Variants in HCFC1 observed in about 807,000 individuals in gnomAD.
The protein encoded by HCFC1 is host cell factor C1.
A neutral mutation model predicts 105.5 loss-of-function variants in HCFC1; 7 were observed. That is an observed-to-expected ratio of 0.07 (90% CI 0.04 to 0.12). The LOEUF (loss-of-function observed/expected upper bound fraction) is 0.12. Ranked by LOEUF, HCFC1 falls within the 10% of genes least tolerant of loss-of-function variation. The probability of loss-of-function intolerance (pLI) is 1.00; values close to 1 mark genes in which losing one functional copy is unlikely to be tolerated. For synonymous variants in HCFC1, 918 were observed against 828.1 expected, an observed-to-expected ratio of 1.11 and a Z score of -1.86; for missense variants, 1,065 against 1,823.6, an observed-to-expected ratio of 0.58 and a Z score of 7.58.
Position 153,954,868 on chromosome X carries a change from G to A in HCFC1, c.3531C>T (p.Thr1177=). The change falls in exon 17 of 26, where the codon ACC becomes ACT. Residue 1177 remains threonine, a synonymous_variant. Transcript: ENST00000310441. ...GGGCCCCGGTGGCCATCACAGTCAT[G>A]GTGGTGCTGGTCGCGCTGGTCTGGC... ...QTRQTSATST[T]MTVMATGAPC... The A allele has an allele frequency of 8.6e-7, 1 of 1,156,231 alleles. No individual in the cohort carries two copies. The highest frequency in any genetic ancestry group is 1.1e-6 in the Non-Finnish European group (1 of 872,571).
chrX:153,963,474 A>AC (rs1462278891), intron 3 of HCFC1, 41 bp from the exon 4 acceptor site: 32 of 1,007,628 alleles, frequency 3.2e-5, no homozygotes, highest in Non-Finnish European at 4.5e-5. Context: ...TCGACTCCTC[A>AC]CGCCAGAGGC....
intron 1 of HCFC1, among the ~76,000 whole-genome samples, chrX:153,968,348 G>A (rs1557118925): frequency 8.9e-6 from 1 of 112,416 alleles, no homozygotes; most frequent in African/African-American, 3.2e-5. Flanking sequence ...TTTGAGGACT[G>A]ATCCCGCAGA....
Position 153,955,014 on chromosome X carries a change from C to T in HCFC1, c.3385G>A (p.Ala1129Thr), listed in dbSNP as rs782235304. ...CGACGGGCATCTCGCTGGTGGTTGG[C>T]GCCGACGCTCGACATGGCTGTAGTG... ...TATTAMSSVG[A>T]NHQRDARRAC... The change falls in exon 17 of 26, where the codon GCC becomes ACC. Residue 1129 changes from alanine to threonine, a missense_variant. By Grantham distance (58) the Ala-to-Thr change is moderately conservative. This residue lies in a region of HCFC1 where 546 missense variants were observed against 599.9 expected (regional missense o/e 0.91). Coordinates refer to ENST00000310441, the MANE Select transcript of HCFC1 (RefSeq NM_005334.3). 16 of 1,208,553 alleles carry T rather than the reference C, an allele frequency of 1.3e-5. No individual in the cohort carries two copies. Among genetic ancestry groups the T allele is most frequent in the South Asian group, 5.3e-5 (3 of 56,632 alleles).
intron 1 of HCFC1, among the ~76,000 whole-genome samples, 189 bp downstream of exon 1, chrX:153,970,459 G>C (rs1343983785): frequency 5.3e-5 from 5 of 94,769 alleles, no homozygotes; most frequent in Non-Finnish European, 1.1e-4. Flanking sequence ...AAGGGGGAGG[G>C]GGACGGGGAG....
Position 153,958,238 on chromosome X carries a change from A to G in HCFC1, c.1815T>C (p.Pro605=). The change falls in exon 11 of 26, where the codon CCT becomes CCC. Residue 605 remains proline, a synonymous_variant. Transcript: ENST00000310441. The part of the protein sequence containing the change: ...VASSPVMVSN[P]ATRMLKTAAA... ...CTGCAGTCTTCAGCATGCGAGTGGC[A>G]GGGTTGCTCACCTGGAGGAGGCAGA... 1 of 1,208,289 alleles carries G rather than the reference A, an allele frequency of 8.3e-7. No individual in the cohort carries two copies. The highest frequency in any genetic ancestry group is 1.7e-5 in the African/African-American group (1 of 57,840).
intron 1 of HCFC1, 61 bp from the exon 2 acceptor site, chrX:153,964,787 C>T (rs2065459895): frequency 9.3e-7 from 1 of 1,075,936 alleles, no homozygotes; most frequent in Non-Finnish European, 1.2e-6. Context: ...TCTCATTCCC[C>T]AAATGTGCCA....
chrX:153,963,507 G>T, intron 3 of HCFC1, 74 bp from the exon 4 acceptor site: 1 of 699,737 alleles, frequency 1.4e-6, no homozygotes. Flanking sequence ...CTATCAGTGA[G>T]TGGCAGCCTC....
chrX:153,962,168 G>C, intron 5 of HCFC1, 54 bp downstream of exon 5: 18 of 970,302 alleles, frequency 1.9e-5, no homozygotes, highest in Non-Finnish European at 2.6e-5. Context: ...GAGCCCTTCG[G>C]GGGAGGGGCC....
intron 3 of HCFC1, 75 bp from the exon 4 acceptor site, chrX:153,963,508 T>G (rs1248664082): frequency 1.0e-5 from 7 of 697,902 alleles, no homozygotes; most frequent in Non-Finnish European, 1.3e-5. Context: ...TATCAGTGAG[T>G]GGCAGCCTCC....
intron 1 of HCFC1, 41 bp downstream of exon 1, chrX:153,970,607 G>A (rs1190511583): frequency 2.9e-6 from 3 of 1,026,206 alleles, no homozygotes; most frequent in Non-Finnish European, 4.0e-6. Context: ...AGGAGATGGA[G>A]GGAGGGAAAG....
chrX:153,960,480 C>G, intron 6 of HCFC1, 66 bp from the exon 7 acceptor site: 2 of 841,180 alleles, frequency 2.4e-6, no homozygotes, highest in Non-Finnish European at 3.3e-6. Flanking sequence ...CCTGGTTGCC[C>G]TTGGTTCTTT....
chrX:153,949,722 C>G lies in HCFC1; in HGVS notation c.6005-106G>C, dbSNP rs1020117885. On this transcript the variant is annotated intron_variant, in intron 24 of 25. Coordinates refer to ENST00000310441, the MANE Select transcript of HCFC1 (RefSeq NM_005334.3). Reference sequence around the variant, plus strand: ...AGTCTCTTGGTGCCACATGGCATGACCCGCAGCTGGCAAGGGTGGGGCGCC... The same window carrying G: ...AGTCTCTTGGTGCCACATGGCATGAGCCGCAGCTGGCAAGGGTGGGGCGCC... 1.3e-4 allele frequency: 96 copies of G among 752,521 alleles called. No homozygotes were observed. In the African/African-American group the frequency reaches 1.7e-3, roughly 13 times the overall value. The allele number at this position is 752,521 out of a possible 1,213,427, so 62.0% of individuals were successfully genotyped here.
chrX:153,957,220 AACT>A, intron 13 of HCFC1, 91 bp downstream of exon 13: 1 of 981,622 alleles, frequency 1.0e-6, no homozygotes, highest in Non-Finnish European at 1.4e-6. Flanking sequence ...GAAAAGGGTA[AACT>A]AAACAGAAAC....
Position 153,951,657 on chromosome X carries a change from TGGCCACCACAACCGGCTGGGG to T in HCFC1, c.5290_5310del (p.Pro1764_Ala1770del). The T allele has an allele frequency of 8.3e-7, 1 of 1,211,129 alleles. No homozygotes were observed. Among genetic ancestry groups the T allele is most frequent in the Non-Finnish European group, 1.1e-6 (1 of 895,424 alleles). On this transcript the variant is annotated inframe_deletion, in exon 21 of 26. Transcript: ENST00000310441. ...GCTGCAGCCTGCAGCTTGGCTGGGCTGGCCACCACAACCGGCTGGGGGGCCACAAATGTGTTGGATGGAGCC... is the reference window on the plus strand; with the variant it reads ...GCTGCAGCCTGCAGCTTGGCTGGGCTGGCCACAAATGTGTTGGATGGAGCC...
chrX:153,966,987 A>G (rs1210076371), intron 1 of HCFC1, among the ~76,000 whole-genome samples: 3 of 112,138 alleles, frequency 2.7e-5, no homozygotes, highest in African/African-American at 9.7e-5. Flanking sequence ...ACAGGACCCA[A>G]GAGGTGCTGA....
chrX:153,966,166 C>T (rs1408244757), intron 1 of HCFC1, among the ~76,000 whole-genome samples: 2 of 112,038 alleles, frequency 1.8e-5, no homozygotes, highest in Non-Finnish European at 3.8e-5. Context: ...GCTGAGACCG[C>T]ACCACTGCAT....
Position 153,963,399 on chromosome X carries a change from G to C in HCFC1, c.538C>G (p.Pro180Ala). The stretch of plus-strand genomic sequence containing the variant: ...TCCCAGGCTACCACTCCAGAGCCTG[G>C]CCGTAATTCCAGGATATATAAGTCA... ...LNDLYILELR[P>A]GSGVVAWDIP... is the part of the protein sequence containing the mutation. Residue 180 changes from proline (P) to alanine (A), a missense_variant, in exon 4 of 26, where the codon CCA (proline) becomes GCA (alanine). Pro to Ala is a conservative substitution (Grantham distance 27). Coordinates refer to ENST00000310441, the MANE Select transcript of HCFC1 (RefSeq NM_005334.3). 1.7e-6 allele frequency: 2 copies of C among 1,209,928 alleles called. No homozygotes were observed. Among genetic ancestry groups the C allele is most frequent in the Admixed American group, 2.2e-5 (1 of 46,091 alleles).
Position 153,971,000 on chromosome X carries a change from C to T in HCFC1, c.-160G>A. ...TGGAGGCCGCCATCTTAACTGCCCT[C>T]CTTCCCTTTGGCTCTTCCCTTTCTT... On this transcript the variant is annotated 5_prime_UTR_variant, in exon 1 of 26. Transcript: ENST00000310441. The T allele has an allele frequency of 2.4e-6, 1 of 422,894 alleles. No homozygotes were observed. The allele number at this position is 422,894 out of a possible 1,213,427, so 34.9% of individuals were successfully genotyped here.
chrX:153,964,763 G>C, intron 1 of HCFC1, 37 bp from the exon 2 acceptor site: 1 of 1,119,797 alleles, frequency 8.9e-7, no homozygotes, highest in South Asian at 2.4e-5. Context: ...AGAACACCCG[G>C]GAGCCCCCAT....
Sources: gnomAD v4.1 joint callset for allele counts (sites outside exome capture counted in the v4.1 genomes callset) on GRCh38, gnomAD v4.1.1 for gene constraint, gnomAD v4.1.1 regional missense constraint, MANE v1.5 for transcripts, NCBI Gene and HGNC (gene_info 2026-07-23, HGNC 2026-07-21) for gene names.